CFAP47: variants seen among roughly 807,000 people sequenced by gnomAD.
The protein encoded by CFAP47 is cilia and flagella associated protein 47, also known as cilia- and flagella-associated protein 47.
CFAP47 carries 29 observed loss-of-function variants against 148.1 expected under a neutral mutation model. The ratio of observed to expected loss-of-function variants is 0.20; its 90% CI spans 0.15 to 0.27. The LOEUF (loss-of-function observed/expected upper bound fraction) is 0.27, where lower values mean the gene tolerates loss of function less well. CFAP47 is among the 10% of genes least tolerant of loss of function. The pLI, the probability that CFAP47 is intolerant of heterozygous loss-of-function variation, is 1.00. For missense variants in CFAP47, 1,872 were observed against 1,697.5 expected (o/e 1.10, Z -1.81); for synonymous variants, 664 against 577.3 (o/e 1.15, Z -2.15).
intron 51 of CFAP47, among the ~76,000 whole-genome samples, chrX:36,297,182 C>T (rs1339729119): frequency 8.9e-6 from 1 of 111,844 alleles, no homozygotes; most frequent in Non-Finnish European, 1.9e-5. Flanking sequence ...TTGTTCACCA[C>T]ACTAAATGTT....
intron 2 of CFAP47, among the ~76,000 whole-genome samples, chrX:35,935,587 A>G (rs201540964): frequency 1.6e-5 from 1 of 61,729 alleles, no homozygotes; most frequent in African/African-American, 7.7e-5. Flanking sequence ...TTTTTTTTTT[A>G]TATAGATAGT....
chrX:36,167,035 A>T (rs1353478397), intron 39 of CFAP47, among the ~76,000 whole-genome samples: 2 of 111,544 alleles, frequency 1.8e-5, no homozygotes, highest in Non-Finnish European at 3.8e-5. Flanking sequence ...TTGAAAAAAC[A>T]GTTCTATAAA....
At chrX:36,230,181 G>A (rs1179531483) in intron 46 of CFAP47, among the ~76,000 whole-genome samples, 11 of 97,663 alleles carry the variant, frequency 1.1e-4, no homozygotes, top group Non-Finnish European at 2.3e-4. Flanking sequence ...CTGAGGAATC[G>A]CCACACTGAC....
At chrX:35,944,331 A>C (rs925340961) in intron 3 of CFAP47, among the ~76,000 whole-genome samples, 1 of 111,401 alleles carries the variant, frequency 9.0e-6, no homozygotes, top group Non-Finnish European at 1.9e-5. Context: ...CTTCATGCAT[A>C]ACATAACCCT....
At chrX:35,925,379 A>G (rs1451070231) in intron 1 of CFAP47, among the ~76,000 whole-genome samples, 1 of 110,808 alleles carries the variant, frequency 9.0e-6, no homozygotes, top group East Asian at 2.8e-4. Flanking sequence ...CATCTCAAAA[A>G]AAAAATAATA....
In CFAP47 at chrX:35,938,626, A is replaced by G. The variant is rs1035610590; in HGVS notation, c.402-2657A>G. ...TACTTATTGCTTATGTGAATCCCAC[A>G]TGCATTTTATCCCTATTTAAAATTT... On this transcript the variant is annotated intron_variant, in intron 2 of 63. Coordinates refer to ENST00000378653, the MANE Select transcript of CFAP47 (RefSeq NM_001304548.2). 3.6e-5 allele frequency among the ~76,000 whole-genome samples: 4 copies of G among 111,578 alleles called. 1 individual carries two copies. Among genetic ancestry groups the G allele is most frequent in the Non-Finnish European group, 7.5e-5 (4 of 53,053 alleles).
rs775984781 is a variant in CFAP47, at chrX:36,071,878, G to C, written c.4372G>C (p.Asp1458His). 65 of 1,204,073 alleles carry C rather than the reference G, an allele frequency of 5.4e-5. No individual in the cohort carries two copies. Among genetic ancestry groups the C allele is most frequent in the Non-Finnish European group, 7.2e-5 (64 of 889,428 alleles). The change falls in exon 28 of 64, where the codon GAT becomes CAT. Residue 1458 changes from aspartate to histidine, a missense_variant. Asp to His is a moderately conservative substitution (Grantham distance 81). Transcript: ENST00000378653. ...TRDGVLPPYQ[D>H]AKPPSPASIK... ...AGATGGTGTTTTGCCTCCCTACCAGGATGCTAAACCACCCTCTCCTGCTTC... is the reference window on the plus strand; with the variant it reads ...AGATGGTGTTTTGCCTCCCTACCAGCATGCTAAACCACCCTCTCCTGCTTC...
intron 3 of CFAP47, among the ~76,000 whole-genome samples, chrX:35,944,718 T>G (rs1008419611): frequency 2.0e-4 from 22 of 111,530 alleles, no homozygotes; most frequent in African/African-American, 6.8e-4. Flanking sequence ...TTTCAAGGAG[T>G]ATAGACAGTG....
chrX:36,128,496 G>A (rs1938886391), intron 33 of CFAP47, among the ~76,000 whole-genome samples: 2 of 110,772 alleles, frequency 1.8e-5, no homozygotes, highest in South Asian at 3.7e-4. Context: ...GATATTTTTG[G>A]TGCTCATTTA....
intron 60 of CFAP47, among the ~76,000 whole-genome samples, chrX:36,360,403 G>A (rs1377973354): frequency 9.0e-6 from 1 of 111,543 alleles, no homozygotes; most frequent in East Asian, 2.8e-4. Context: ...GTGTCTACAA[G>A]GACAGGCCTG....
At chrX:36,076,037 A>T (rs942400714) in intron 29 of CFAP47, among the ~76,000 whole-genome samples, 1 of 111,576 alleles carries the variant, frequency 9.0e-6, no homozygotes, top group African/African-American at 3.3e-5. Context: ...TCTTTTGGAT[A>T]TATACCCCAC....
Position 36,330,173 on chromosome X carries a change from C to CAGAAA in CFAP47, c.8443+10868_8443+10869insAAAAG, listed in dbSNP as rs1941552595. ...GCTTTCAATTTTATTATCTATCTTC[C>CAGAAA]AGCTTCTATTAATATTCACTAGGCA... On this transcript the variant is annotated intron_variant, in intron 57 of 63. Coordinates refer to ENST00000378653, the MANE Select transcript of CFAP47 (RefSeq NM_001304548.2). Among the ~76,000 whole-genome samples the CAGAAA allele has an allele frequency of 5.4e-5, 6 of 111,592 alleles. No homozygotes were observed. In the South Asian group the frequency reaches 2.2e-3, roughly 42 times the overall value.
chrX:36,333,929 A>T (rs1395882816), intron 57 of CFAP47, among the ~76,000 whole-genome samples: 1 of 110,922 alleles, frequency 9.0e-6, no homozygotes, highest in Non-Finnish European at 1.9e-5. Context: ...CCTTTCCCCT[A>T]CCTTATCTAA....
At chrX:36,355,536 G>A (rs1168223117) in intron 60 of CFAP47, among the ~76,000 whole-genome samples, 1 of 111,638 alleles carries the variant, frequency 9.0e-6, no homozygotes, top group Non-Finnish European at 1.9e-5. Flanking sequence ...ATAATATTCA[G>A]CCTTAAAAAG....
At chrX:35,926,868 T>A (rs1247850316) in intron 2 of CFAP47, among the ~76,000 whole-genome samples, 1 of 110,849 alleles carries the variant, frequency 9.0e-6, no homozygotes. Context: ...CTGGGTGCAG[T>A]GGCTCATGCC....
chrX:36,038,365 C>T (rs1227255355), intron 24 of CFAP47, among the ~76,000 whole-genome samples: 1 of 112,205 alleles, frequency 8.9e-6, no homozygotes, highest in African/African-American at 3.2e-5. Context: ...TGATCACTCT[C>T]TGTGATGGAA....
chrX:36,310,429 G>A (rs1229180617), intron 55 of CFAP47, among the ~76,000 whole-genome samples: 1 of 108,761 alleles, frequency 9.2e-6, no homozygotes, highest in African/African-American at 3.3e-5. Flanking sequence ...CCTTAATGTG[G>A]CAGCTATCTG....
chrX:36,152,078 C>G (rs772708165), intron 37 of CFAP47, among the ~76,000 whole-genome samples: 1 of 110,394 alleles, frequency 9.1e-6, no homozygotes, highest in South Asian at 3.9e-4. Flanking sequence ...GTCCCCAACT[C>G]CTAATACCAT....
rs747541058 is a variant in CFAP47, at chrX:36,125,456, T to C, written c.5321-12502T>C. Among the ~76,000 whole-genome samples the C allele has an allele frequency of 2.7e-5, 3 of 111,038 alleles. No homozygotes were observed. The South Asian group carries it at 1.1e-3, about 42-fold the overall frequency. ...AATAAAATTTTTATTATATTTATAA[T>C]TGGAATTCTTGGTTGATTATTGAAC... On this transcript the variant is annotated intron_variant, in intron 33 of 63. Coordinates refer to ENST00000378653, the MANE Select transcript of CFAP47 (RefSeq NM_001304548.2).
Sources: gnomAD v4.1 joint callset for allele counts (sites outside exome capture counted in the v4.1 genomes callset) on GRCh38, gnomAD v4.1.1 for gene constraint, MANE v1.5 for transcripts, NCBI Gene and HGNC (gene_info 2026-07-23, HGNC 2026-07-21) for gene names.